SPIRE1: variants seen among roughly 807,000 people sequenced by gnomAD.
The protein encoded by SPIRE1 is protein spire homolog 1.
SPIRE1 carries 40 observed loss-of-function variants against 94.1 expected under a neutral mutation model. The observed-to-expected ratio is 0.43, with a 90% confidence interval of 0.33 to 0.55. SPIRE1 has a LOEUF of 0.55. SPIRE1 is among the 20% of genes least tolerant of loss of function. The pLI is 0.06. For synonymous variants in SPIRE1, 376 were observed against 371.7 expected (o/e 1.01, Z -0.13); for missense variants, 838 against 975.2 (o/e 0.86, Z 1.87).
intron 6 of SPIRE1, among the ~76,000 whole-genome samples, chr18:12,502,211 T>G (rs1340260603): frequency 2.0e-5 from 3 of 152,124 alleles, no homozygotes; most frequent in African/African-American, 7.2e-5. Flanking sequence ...CACAATTATT[T>G]TTTCTGATAA....
chr18:12,636,029 A>T (rs1478731707), intron 1 of SPIRE1, among the ~76,000 whole-genome samples: 1 of 152,062 alleles, frequency 6.6e-6, no homozygotes, highest in African/African-American at 2.4e-5. Flanking sequence ...AGTAGCTGGG[A>T]CTACAGGCAC....
chr18:12,660,799 T>C (rs2038682130), upstream of SPIRE1, among the ~76,000 whole-genome samples: 1 of 152,156 alleles, frequency 6.6e-6, no homozygotes, highest in Admixed American at 6.5e-5. Context: ...ATGATATACT[T>C]AAATATTTTG....
At chr18:12,466,517 T>C (rs964978451) in intron 10 of SPIRE1, among the ~76,000 whole-genome samples, 1 of 152,018 alleles carries the variant, frequency 6.6e-6, no homozygotes, top group Non-Finnish European at 1.5e-5. Flanking sequence ...CCTGAGCTCA[T>C]GATCTGCCTG....
intron 8 of SPIRE1, 152 bp downstream of exon 8, chr18:12,492,920 A>C: frequency 2.7e-6 from 2 of 751,418 alleles, no homozygotes; most frequent in Non-Finnish European, 4.0e-6. Flanking sequence ...GAGAGGGGGT[A>C]TGTATACGAG....
chr18:12,506,461 C>T lies in SPIRE1; in HGVS notation c.972+16G>A. The T allele has an allele frequency of 6.2e-7, 1 of 1,612,792 alleles. No homozygotes were observed. Among genetic ancestry groups the T allele is most frequent in the Non-Finnish European group, 8.5e-7 (1 of 1,179,126 alleles). Reference sequence around the variant, plus strand: ...GGAGTGAGCCACATGCCCGGCCTGACAGCTTGGTTACTTACCATCACTTTT... The same window carrying T: ...GGAGTGAGCCACATGCCCGGCCTGATAGCTTGGTTACTTACCATCACTTTT... On this transcript the variant is annotated intron_variant, in intron 6 of 16. Transcript: ENST00000409402.
chr18:12,515,148 C>A (rs1291025649), intron 4 of SPIRE1, among the ~76,000 whole-genome samples: 2 of 152,050 alleles, frequency 1.3e-5, no homozygotes, highest in African/African-American at 4.8e-5. Context: ...GCTTATAAAC[C>A]ATAAAAATAT....
At position 12,580,563 on chromosome 18, in the gene SPIRE1, A is replaced by G. The variant is rs565147119; in HGVS notation, c.373-33659T>C. Among the ~76,000 whole-genome samples, 629 of 152,272 alleles carry G rather than the reference A, an allele frequency of 4.1e-3. 2 individuals are homozygous for G. The highest frequency in any genetic ancestry group is 0.027 in the Middle Eastern group (8 of 294). Reference sequence around the variant, plus strand: ...GGTCTTAAACTCCTGACCTCAGGTGATCCACCTGCCTTGGCCTCCCAAAGT... The same window carrying G: ...GGTCTTAAACTCCTGACCTCAGGTGGTCCACCTGCCTTGGCCTCCCAAAGT... On this transcript the variant is annotated intron_variant, in intron 2 of 16. Transcript: ENST00000409402.
intron 4 of SPIRE1, among the ~76,000 whole-genome samples, chr18:12,525,093 G>A (rs759762215): frequency 2.6e-5 from 4 of 151,636 alleles, no homozygotes; most frequent in East Asian, 1.9e-4. Context: ...TGGCTAACAC[G>A]GTGAAACCCC....
In SPIRE1 at chr18:12,635,846, CAATT is replaced by C. The variant is rs1311997564; in HGVS notation, c.338-754_338-751del. 4.6e-5 allele frequency among the ~76,000 whole-genome samples: 7 copies of C among 151,556 alleles called. 1 individual carries two copies. In the South Asian group the frequency reaches 6.2e-4, roughly 14 times the overall value. The stretch of plus-strand genomic sequence containing the variant: ...AAAAAGAACGAATAACACAATTATA[CAATT>C]AATTATACTGCGTACTAGAAAATTG... On this transcript the variant is annotated intron_variant, in intron 1 of 16. Coordinates refer to ENST00000409402, the MANE Select transcript of SPIRE1 (RefSeq NM_001128626.2).
At chr18:12,523,282 A>G (rs1418625797) in intron 4 of SPIRE1, among the ~76,000 whole-genome samples, 2 of 152,200 alleles carry the variant, frequency 1.3e-5, no homozygotes, top group East Asian at 3.8e-4. Context: ...TCATGAGAAA[A>G]CTTGAACTAA....
At chr18:12,534,303 T>C (rs1465092573) in intron 4 of SPIRE1, among the ~76,000 whole-genome samples, 4 of 152,210 alleles carry the variant, frequency 2.6e-5, no homozygotes, top group African/African-American at 7.2e-5. Flanking sequence ...TATGTGTTCT[T>C]CCCCAAACTG....
At chr18:12,532,241 T>C (rs1374837050) in intron 4 of SPIRE1, among the ~76,000 whole-genome samples, 2 of 152,236 alleles carry the variant, frequency 1.3e-5, no homozygotes, top group Non-Finnish European at 2.9e-5. Flanking sequence ...ATGAACCAGA[T>C]ACTGTGCTTT....
At chr18:12,546,572 G>T in intron 3 of SPIRE1, 102 bp downstream of exon 3, 1 of 885,696 alleles carries the variant, frequency 1.1e-6, no homozygotes, top group Non-Finnish European at 1.8e-6. Context: ...CTGCACTCTA[G>T]CCTGGGCGAC....
At chr18:12,630,901 A>G (rs1008718800) in intron 2 of SPIRE1, among the ~76,000 whole-genome samples, 1 of 152,300 alleles carries the variant, frequency 6.6e-6, no homozygotes, top group Non-Finnish European at 1.5e-5. Context: ...ATAGAAAAAC[A>G]ATTTGTTTTG....
chr18:12,517,633 G>A (rs764578685), intron 4 of SPIRE1, among the ~76,000 whole-genome samples: 3 of 152,078 alleles, frequency 2.0e-5, no homozygotes, highest in African/African-American at 7.2e-5. Flanking sequence ...TGGCAATTAC[G>A]CTTCCCATTT....
intron 2 of SPIRE1, among the ~76,000 whole-genome samples, chr18:12,593,614 C>T (rs1160457763): frequency 6.6e-6 from 1 of 152,208 alleles, no homozygotes; most frequent in Non-Finnish European, 1.5e-5. Flanking sequence ...CATAGGTCCT[C>T]TCCTGAAGGA....
chr18:12,583,532 G>A lies in SPIRE1; in HGVS notation c.373-36628C>T, dbSNP rs1363202159. On this transcript the variant is annotated intron_variant, in intron 2 of 16. Transcript: ENST00000409402. ...CAGGAGAATCGCTTGAACCTGGGAG[G>A]TGAAGGTTGCAGTGAGCCAAGATCG... is the stretch of plus-strand genomic sequence containing the variant. Among the ~76,000 whole-genome samples the A allele has an allele frequency of 2.6e-5, 4 of 152,142 alleles. No homozygotes were observed. In the East Asian group the frequency reaches 5.8e-4, roughly 22 times the overall value.
intron 4 of SPIRE1, 49 bp downstream of exon 4, chr18:12,535,427 T>C (rs1438925058): frequency 2.6e-6 from 4 of 1,568,624 alleles, no homozygotes; most frequent in Admixed American, 3.5e-5. Context: ...AAATATCAAA[T>C]GCATGCCAAT....
At chr18:12,615,542 C>CAAAAAAAAAAAAAAAAAAAAAAA (rs71174108) in intron 2 of SPIRE1, among the ~76,000 whole-genome samples, 8 of 75,796 alleles carry the variant, frequency 1.1e-4, no homozygotes, top group African/African-American at 2.7e-4. Context: ...TCTATCTCCA[C>CAAAAAAAAAAAAAAAAAAAAAAA]AAAAAAAAAA....
Sources: gnomAD v4.1 joint callset for allele counts (sites outside exome capture counted in the v4.1 genomes callset) on GRCh38, gnomAD v4.1.1 for gene constraint, MANE v1.5 for transcripts, NCBI Gene and HGNC (gene_info 2026-07-23, HGNC 2026-07-21) for gene names.